The following FAM107B variants were observed in gnomAD, a reference collection of about 807,000 sequenced individuals.
The protein encoded by FAM107B is protein FAM107B.
In FAM107B, 21 loss-of-function variants were observed where a neutral mutation model predicts 31.5. The observed-to-expected ratio is 0.67, with a 90% confidence interval of 0.47 to 0.96. The LOEUF is 0.96. Among genes scored for constraint, FAM107B ranks in the 40% least tolerant of loss-of-function variants. The pLI, the probability that FAM107B is intolerant of heterozygous loss-of-function variation, is 0.00. For missense variants in FAM107B, 452 were observed against 377.1 expected (o/e 1.20, Z -1.64); for synonymous variants, 157 against 141.5 (o/e 1.11, Z -0.78).
At chr10:14,665,534 C>T (rs372751925) in intron 2 of FAM107B, among the ~76,000 whole-genome samples, 20 of 152,216 alleles carry the variant, frequency 1.3e-4, no homozygotes, top group Non-Finnish European at 2.9e-4. Flanking sequence ...CTGGGAAATT[C>T]AAAGCCTTTG....
At chr10:14,713,745 C>T (rs956947431) in intron 1 of FAM107B, among the ~76,000 whole-genome samples, 9 of 152,032 alleles carry the variant, frequency 5.9e-5, no homozygotes, top group East Asian at 1.9e-4. Context: ...TTCATTGCAG[C>T]GCTATTCACA....
intron 2 of FAM107B, among the ~76,000 whole-genome samples, chr10:14,591,994 G>A (rs1291421291): frequency 6.6e-6 from 1 of 152,178 alleles, no homozygotes; most frequent in Non-Finnish European, 1.5e-5. Context: ...AGCTTTAAAA[G>A]GCATAACCAT....
intron 1 of FAM107B, among the ~76,000 whole-genome samples, chr10:14,718,491 G>A (rs1373493982): frequency 7.0e-6 from 1 of 141,990 alleles, no homozygotes; most frequent in Non-Finnish European, 1.5e-5. Context: ...AGGGAGAGAA[G>A]GAAGGAAGGA....
At chr10:14,583,853 C>T (rs1378988143) in intron 2 of FAM107B, among the ~76,000 whole-genome samples, 1 of 152,190 alleles carries the variant, frequency 6.6e-6, no homozygotes, top group Non-Finnish European at 1.5e-5. Context: ...AAGGCCACCC[C>T]TCAGGATCCA....
At chr10:14,669,745 G>C (rs570003461) in intron 1 of FAM107B, among the ~76,000 whole-genome samples, 2 of 152,314 alleles carry the variant, frequency 1.3e-5, no homozygotes, top group African/African-American at 4.8e-5. Context: ...CATGGAAACA[G>C]AAAGTAGAAT....
At chr10:14,645,724 C>T (rs1284937223) in intron 2 of FAM107B, among the ~76,000 whole-genome samples, 1 of 152,178 alleles carries the variant, frequency 6.6e-6, no homozygotes, top group Non-Finnish European at 1.5e-5. Context: ...TCCAATTTCA[C>T]CTAAGCTAGG....
chr10:14,518,885 G>C lies in FAM107B; in HGVS notation c.*2305C>G, dbSNP rs1845370675. ...CATTTTTGTCAAAAAGTGGCTCAAAGCACAAAACTGCTCAGATGTTCAAGA... is the reference window on the plus strand; with the variant it reads ...CATTTTTGTCAAAAAGTGGCTCAAACCACAAAACTGCTCAGATGTTCAAGA... On this transcript the variant is annotated 3_prime_UTR_variant, in exon 5 of 5. Coordinates refer to ENST00000181796, the MANE Select transcript of FAM107B (RefSeq NM_031453.4). The C allele has an allele frequency of 6.6e-6, 1 of 152,570 alleles. No homozygotes were observed. The highest frequency in any genetic ancestry group is 1.5e-5 in the Non-Finnish European group (1 of 68,046). The allele number at this position is 152,570 out of a possible 1,614,324, so 9.5% of individuals were successfully genotyped here. A position where few individuals can be genotyped will look rare whatever the true frequency, so the allele number is the denominator to read the frequency against.
chr10:14,691,868 T>A (rs1271686425), intron 1 of FAM107B, among the ~76,000 whole-genome samples: 1 of 139,468 alleles, frequency 7.2e-6, no homozygotes, highest in African/African-American at 2.8e-5. Flanking sequence ...CAAGCCAGCC[T>A]GAGCTACAGA....
At chr10:14,597,055 C>T (rs902261875) in intron 2 of FAM107B, among the ~76,000 whole-genome samples, 2 of 152,158 alleles carry the variant, frequency 1.3e-5, no homozygotes, top group Admixed American at 6.6e-5. Flanking sequence ...CGATACACTA[C>T]TTTACCCTGC....
intron 1 of FAM107B, among the ~76,000 whole-genome samples, chr10:14,721,613 T>G (rs2131549904): frequency 6.6e-6 from 1 of 152,376 alleles, no homozygotes; most frequent in East Asian, 1.9e-4. Context: ...TGAGCATTTT[T>G]TCATGTGTCT....
intron 2 of FAM107B, among the ~76,000 whole-genome samples, chr10:14,574,575 T>C (rs1851405653): frequency 6.6e-6 from 1 of 152,100 alleles, no homozygotes; most frequent in African/African-American, 2.4e-5. Context: ...AGGCCAGACA[T>C]ACTGTTTTTA....
At chr10:14,769,749 C>G (rs367886657) in intron 1 of FAM107B, among the ~76,000 whole-genome samples, 1 of 152,160 alleles carries the variant, frequency 6.6e-6, no homozygotes, top group South Asian at 2.1e-4. Context: ...CTATCTCTTC[C>G]TATGTGAGGC....
At chr10:14,538,166 A>C (rs962089025) in intron 2 of FAM107B, among the ~76,000 whole-genome samples, 2 of 152,244 alleles carry the variant, frequency 1.3e-5, no homozygotes, top group Non-Finnish European at 2.9e-5. Context: ...TTACGATCCC[A>C]AACAGAAAAC....
At chr10:14,734,342 C>G (rs1856243874) in intron 1 of FAM107B, among the ~76,000 whole-genome samples, 1 of 152,158 alleles carries the variant, frequency 6.6e-6, no homozygotes, top group South Asian at 2.1e-4. Context: ...ATTGGCCCAT[C>G]CTGACCTATA....
chr10:14,644,282 A>T (rs1853700616), intron 2 of FAM107B, among the ~76,000 whole-genome samples: 1 of 152,226 alleles, frequency 6.6e-6, no homozygotes, highest in South Asian at 2.1e-4. Flanking sequence ...CCTTTACTAT[A>T]TTCCATATAT....
chr10:14,757,518 A>AT (rs1291978711), intron 1 of FAM107B, among the ~76,000 whole-genome samples: 1 of 152,054 alleles, frequency 6.6e-6, no homozygotes, highest in Admixed American at 6.6e-5. Context: ...TGGCTAACAA[A>AT]CTATTCAGTG....
intron 2 of FAM107B, chr10:14,652,730 T>C (rs960152690): frequency 3.9e-5 from 6 of 152,156 alleles, no homozygotes; most frequent in African/African-American, 9.7e-5. Flanking sequence ...TTGTGTTCAG[T>C]TGTGAGAAAA....
chr10:14,685,864 C>A (rs1046441125), intron 1 of FAM107B, among the ~76,000 whole-genome samples: 1 of 152,146 alleles, frequency 6.6e-6, no homozygotes, highest in Non-Finnish European at 1.5e-5. Flanking sequence ...TTCTACATGG[C>A]TGGGGCGGCC....
intron 1 of FAM107B, among the ~76,000 whole-genome samples, chr10:14,701,175 A>G (rs907015786): frequency 3.3e-5 from 5 of 152,136 alleles, no homozygotes; most frequent in Admixed American, 3.3e-4. Flanking sequence ...TCCCTGGAAT[A>G]AATTTATTTT....
Sources: allele counts gnomAD v4.1 joint callset (sites outside exome capture counted in the v4.1 genomes callset), GRCh38; gene constraint gnomAD v4.1.1; transcripts MANE v1.5; gene names NCBI Gene and HGNC (gene_info 2026-07-23, HGNC 2026-07-21).